Variants in DNAH2 observed in about 807,000 individuals in gnomAD.
DNAH2 encodes the protein dynein axonemal heavy chain 2, also known as axonemal beta dynein heavy chain 2.
In DNAH2, 323 loss-of-function variants were observed where a neutral mutation model predicts 523.5. That is an observed-to-expected ratio of 0.62 (90% CI 0.56 to 0.68). The LOEUF is 0.68. Ranked by LOEUF, DNAH2 falls within the 30% of genes least tolerant of loss-of-function variation. The pLI is 0.00. For missense variants in DNAH2, 4,907 were observed against 5,701.5 expected (o/e 0.86, Z 4.49); for synonymous variants, 2,093 against 2,177.4 (o/e 0.96, Z 1.08).
chr17:7,764,110 C>G lies in DNAH2; in HGVS notation c.3180-7C>G, dbSNP rs751258758. The G allele has an allele frequency of 8.7e-6, 14 of 1,614,088 alleles. No individual in the cohort carries two copies. The African/African-American group carries it at 1.2e-4, about 14-fold the overall frequency. The stretch of plus-strand genomic sequence containing the variant: ...CACTCACTAGCACTCCCTTTGCCCG[C>G]CTTCAGAATCAGCCGCCCTCCGCAG... On this transcript the variant is annotated splice_polypyrimidine_tract_variant and splice_region_variant and intron_variant, in intron 19 of 85. Coordinates refer to ENST00000572933, the MANE Select transcript of DNAH2 (RefSeq NM_020877.5).
In DNAH2 at chr17:7,763,930, G is replaced by A; in HGVS notation, c.3078G>A (p.Gln1026=). The A allele has an allele frequency of 1.2e-6, 2 of 1,614,234 alleles. No homozygotes were observed. The highest frequency in any genetic ancestry group is 1.3e-5 in the African/African-American group (1 of 75,058). The change falls in exon 19 of 86, where the codon CAG becomes CAA. Residue 1026 remains glutamine (Q), a synonymous_variant. Coordinates refer to ENST00000572933, the MANE Select transcript of DNAH2 (RefSeq NM_020877.5). ...DCSHLKFSLV[Q]HCNEWQNKFA... is the part of the protein sequence containing the mutation. The stretch of plus-strand genomic sequence containing the variant: ...CGCACCTCAAGTTCTCCCTGGTGCA[G>A]CACTGCAATGAATGGCAGAACAAGT...
In DNAH2 at chr17:7,770,701, C is replaced by T. The variant is rs1267875984; in HGVS notation, c.4182-52C>T. 9.3e-6 allele frequency: 15 copies of T among 1,613,568 alleles called. No homozygotes were observed. The East Asian group carries it at 2.5e-4, about 26-fold the overall frequency. On this transcript the variant is annotated intron_variant, in intron 26 of 85. Transcript: ENST00000572933. Reference sequence around the variant, plus strand: ...GTGTGACCCAGGCTGCAGAGTGGGACCAAGGTTGGGCAGGTGGGGATGAAC... The same window carrying T: ...GTGTGACCCAGGCTGCAGAGTGGGATCAAGGTTGGGCAGGTGGGGATGAAC...
chr17:7,764,986 G>A (rs1473962916), intron 20 of DNAH2, among the ~76,000 whole-genome samples: 1 of 147,486 alleles, frequency 6.8e-6, no homozygotes. Context: ...GGGACTACAG[G>A]CACCTCAAGT....
At chr17:7,822,342 C>A (rs112846834) in intron 73 of DNAH2, among the ~76,000 whole-genome samples, 9,472 of 152,222 alleles carry the variant, frequency 0.062, 404 homozygotes, top group Middle Eastern at 0.099. Flanking sequence ...CACCACACAG[C>A]CCCCACTCCA....
chr17:7,767,193 G>A (rs916426014), intron 22 of DNAH2, among the ~76,000 whole-genome samples: 1 of 150,510 alleles, frequency 6.6e-6, no homozygotes, highest in Admixed American at 6.7e-5. Flanking sequence ...GATAATACGT[G>A]GCCTTTTTAA....
chr17:7,787,086 G>A (rs72840094), intron 42 of DNAH2, 53 bp downstream of exon 42: 425,760 of 1,599,410 alleles, frequency 0.27, 61,154 homozygotes, highest in Non-Finnish European at 0.3. Context: ...ACCGGAGGGC[G>A]TGGGCCGGGG....
In DNAH2 at chr17:7,830,320, A is replaced by G; in HGVS notation, c.11874A>G (p.Thr3958=). 6.2e-7 allele frequency: 1 copy of G among 1,614,150 alleles called. No homozygotes were observed. The highest frequency in any genetic ancestry group is 8.5e-7 in the Non-Finnish European group (1 of 1,180,010). The change falls in exon 78 of 86, where the codon ACA becomes ACG. Residue 3958 remains threonine, a synonymous_variant. Transcript: ENST00000572933. ...EPPKGLKANM[T]RLYQLMSEPQ... ...CCCAGGGCCTAAAGGCCAACATGACACGTCTTTACCAACTGATGTCAGAAC... is the reference window on the plus strand; with the variant it reads ...CCCAGGGCCTAAAGGCCAACATGACGCGTCTTTACCAACTGATGTCAGAAC...
Position 7,776,889 on chromosome 17 carries a change from G to C in DNAH2, c.5058G>C (p.Gln1686His), listed in dbSNP as rs1208211568. The change falls in exon 32 of 86, where the codon CAG becomes CAC. Residue 1686 changes from glutamine (Q) to histidine (H), a missense_variant and splice_region_variant. By Grantham distance (24) the Gln-to-His change is conservative. Transcript: ENST00000572933. ...TCCTCAAGGTCATGAAGAAGAACCA[G>C]GTGAGAGGCTGGGCGCACTGGCTCA... Reference protein sequence around the residue: ...KKILKVMKKNQVSILNKYSEA... With the variant: ...KKILKVMKKNHVSILNKYSEA... 1 of 1,608,496 alleles carries C rather than the reference G, an allele frequency of 6.2e-7. No individual in the cohort carries two copies. The highest frequency in any genetic ancestry group is 2.2e-5 in the East Asian group (1 of 44,646).
At chr17:7,826,535 C>CTTTTTTTT (rs35943055) in intron 77 of DNAH2, among the ~76,000 whole-genome samples, 9 of 111,264 alleles carry the variant, frequency 8.1e-5, no homozygotes, top group East Asian at 6.3e-4. Flanking sequence ...TGCCCATCAT[C>CTTTTTTTT]TTTTTTTTTT....
intron 50 of DNAH2, among the ~76,000 whole-genome samples, 191 bp from the exon 51 acceptor site, chr17:7,796,985 C>T (rs111683614): frequency 0.21 from 31,936 of 149,586 alleles, 4,312 homozygotes; most frequent in Non-Finnish European, 0.3. Context: ...GCCTGTAGTC[C>T]CAGCTACATG....
intron 63 of DNAH2, among the ~76,000 whole-genome samples, chr17:7,812,228 C>T (rs34347206): frequency 6.6e-6 from 1 of 152,106 alleles, no homozygotes; most frequent in African/African-American, 2.4e-5. Context: ...TTTACTGGAT[C>T]GGGGGTTATA....
At chr17:7,777,192 T>C (rs1311613389) in intron 32 of DNAH2, among the ~76,000 whole-genome samples, 1 of 151,124 alleles carries the variant, frequency 6.6e-6, no homozygotes, top group Non-Finnish European at 1.5e-5. Context: ...TCTGCAAGTA[T>C]GGGCTAGGCC....
chr17:7,758,494 G>A lies in DNAH2; in HGVS notation c.2052-1G>A, dbSNP rs1399332058. ...GGATACCAGGCCTCTCTTATGCACAGGATTATTGCCATGCTGTCCCCAGAT... is the reference window on the plus strand; with the variant it reads ...GGATACCAGGCCTCTCTTATGCACAAGATTATTGCCATGCTGTCCCCAGAT... On this transcript the variant is annotated splice_acceptor_variant, in intron 13 of 85. Transcript: ENST00000572933. LOFTEE classifies it high-confidence loss of function. 1 of 1,613,536 alleles carries A rather than the reference G, an allele frequency of 6.2e-7. No homozygotes were observed. Among genetic ancestry groups the A allele is most frequent in the African/African-American group, 1.3e-5 (1 of 74,896 alleles).
chr17:7,792,257 G>A lies in DNAH2; in HGVS notation c.7059G>A (p.Thr2353=), dbSNP rs779175874. 25 of 1,613,812 alleles carry A rather than the reference G, an allele frequency of 1.5e-5. No homozygotes were observed. The highest frequency in any genetic ancestry group is 1.6e-4 in the Middle Eastern group (1 of 6,084). ...EIEGSFPNKD[T]VYEYFVDPKI... is the part of the protein sequence containing the mutation. ...GACCTACATGCCCTCCTTAGGACAC[G>A]GTATATGAGTATTTTGTGGACCCCA... The change falls in exon 46 of 86, where the codon ACG becomes ACA. Residue 2353 remains threonine, a synonymous_variant. Coordinates refer to ENST00000572933, the MANE Select transcript of DNAH2 (RefSeq NM_020877.5).
chr17:7,817,770 G>C lies in DNAH2; in HGVS notation c.10170-20G>C. ...GCATGGGAGAGAGGGCCTCACCTCT[G>C]ACCTGTACTCCCCTTCCAGGTGGGC... On this transcript the variant is annotated intron_variant, in intron 66 of 85. Coordinates refer to ENST00000572933, the MANE Select transcript of DNAH2 (RefSeq NM_020877.5). The C allele has an allele frequency of 6.2e-7, 1 of 1,614,056 alleles. No homozygotes were observed. Among genetic ancestry groups the C allele is most frequent in the Non-Finnish European group, 8.5e-7 (1 of 1,180,020 alleles).
At chr17:7,751,624 A>G (rs1227313264) in intron 12 of DNAH2, among the ~76,000 whole-genome samples, 5 of 152,108 alleles carry the variant, frequency 3.3e-5, no homozygotes, top group South Asian at 2.1e-4. Context: ...TACTATCTTT[A>G]TAGTAACACA....
At chr17:7,819,527 A>G in intron 72 of DNAH2, 119 bp downstream of exon 72, 2 of 1,027,022 alleles carry the variant, frequency 1.9e-6, no homozygotes, top group Non-Finnish European at 2.9e-6. Context: ...TCCTTGGCAT[A>G]TGTCCTCCTG....
chr17:7,725,440 A>ATATATATATATATATATTTT (rs958458949), intron 3 of DNAH2, among the ~76,000 whole-genome samples: 3 of 130,506 alleles, frequency 2.3e-5, no homozygotes, highest in African/African-American at 8.5e-5. Flanking sequence ...ATATATATAT[A>ATATATATATATATATATTTT]TTTTCTTTTT....
rs1274479993 is a variant in DNAH2 at position 7,816,754 on chromosome 17, C to T, written c.9894+19C>T. 3 of 1,610,668 alleles carry T rather than the reference C, an allele frequency of 1.9e-6. No individual in the cohort carries two copies. Among genetic ancestry groups the T allele is most frequent in the African/African-American group, 1.3e-5 (1 of 74,932 alleles). On this transcript the variant is annotated intron_variant, in intron 64 of 85. Transcript: ENST00000572933. ...AGTCCAGGTGAGATCAGCTGTACTA[C>T]CTGGTGTCCTTTCACTCTGCTCGCC...
Sources: gnomAD v4.1 joint callset for allele counts (sites outside exome capture counted in the v4.1 genomes callset) on GRCh38, gnomAD v4.1.1 for gene constraint, MANE v1.5 for transcripts, NCBI Gene and HGNC (gene_info 2026-07-23, HGNC 2026-07-21) for gene names.